Variants in DGKB observed in about 807,000 individuals in gnomAD.
The protein encoded by DGKB is diacylglycerol kinase beta, also known as 90 kDa diacylglycerol kinase.
Under a neutral mutation model 114.3 loss-of-function variants are expected in DGKB, and 67 were observed. The observed-to-expected ratio is 0.59, with a 90% CI of 0.48 to 0.72. The LOEUF is 0.72. Among genes scored for constraint, DGKB ranks in the 30% least tolerant of loss-of-function variants. DGKB has a pLI of 0.00. For synonymous variants in DGKB, 398 were observed against 323.1 expected (o/e 1.23, Z -2.49); for missense variants, 907 against 975.2 (o/e 0.93, Z 0.93).
intron 20 of DGKB, among the ~76,000 whole-genome samples, chr7:14,558,322 T>G (rs1279023120): frequency 6.6e-6 from 1 of 151,982 alleles, no homozygotes; most frequent in African/African-American, 2.4e-5. Context: ...AAATGAAAGT[T>G]TATAAATCTT....
At chr7:14,916,179 C>T (rs1784231299) in intron 1 of DGKB, among the ~76,000 whole-genome samples, 1 of 151,362 alleles carries the variant, frequency 6.6e-6, no homozygotes, top group African/African-American at 2.4e-5. Flanking sequence ...CTGAGATAAC[C>T]CCTAACATTT....
intron 6 of DGKB, among the ~76,000 whole-genome samples, chr7:14,710,836 C>T (rs948249652): frequency 1.3e-5 from 2 of 152,000 alleles, no homozygotes; most frequent in African/African-American, 2.4e-5. Flanking sequence ...ATTTAAATGC[C>T]TGTAATAATC....
At chr7:14,237,254 T>G (rs1232305117) in intron 23 of DGKB, among the ~76,000 whole-genome samples, 1 of 152,018 alleles carries the variant, frequency 6.6e-6, no homozygotes, top group African/African-American at 2.4e-5. Context: ...TGAAATTGAC[T>G]CCACTGAAAC....
At chr7:14,488,617 C>T (rs7782674) in intron 20 of DGKB, among the ~76,000 whole-genome samples, 19 of 147,396 alleles carry the variant, frequency 1.3e-4, no homozygotes, top group Admixed American at 5.4e-4. Flanking sequence ...GTCAGGAGTT[C>T]GAGACCAACA....
chr7:14,424,576 C>A (rs562091877), intron 21 of DGKB, among the ~76,000 whole-genome samples: 4 of 152,142 alleles, frequency 2.6e-5, no homozygotes, highest in South Asian at 2.1e-4. Flanking sequence ...TCATAATCTT[C>A]AAGACACTAC....
intron 23 of DGKB, among the ~76,000 whole-genome samples, chr7:14,301,371 T>C (rs975135603): frequency 2.0e-5 from 3 of 152,092 alleles, no homozygotes; most frequent in Admixed American, 6.6e-5. Context: ...ACCCTAACAA[T>C]TGGCAAGTCA....
At chr7:14,243,845 C>T (rs1424152255) in intron 23 of DGKB, among the ~76,000 whole-genome samples, 4 of 145,234 alleles carry the variant, frequency 2.8e-5, no homozygotes, top group African/African-American at 1.1e-4. Flanking sequence ...CAGCCATTGT[C>T]GTAACTTGAA....
chr7:14,847,290 C>CAA lies in DGKB; in HGVS notation c.-187-5842_-187-5841dup, dbSNP rs369385721. On this transcript the variant is annotated intron_variant, in intron 1 of 25. Coordinates refer to ENST00000402815, the MANE Select transcript of DGKB (RefSeq NM_001350709.2). Reference sequence around the variant, plus strand: ...TGGGCGACAGAGCGAGACTCCGTCTCAAAAAAAAAAAAAAAAAAAGACATA... The same window carrying CAA: ...TGGGCGACAGAGCGAGACTCCGTCTCAAAAAAAAAAAAAAAAAAAAAGACATA... Among the ~76,000 whole-genome samples, 585 of 92,600 alleles carry CAA rather than the reference C, an allele frequency of 6.3e-3. 10 individuals are homozygous for CAA. Among genetic ancestry groups the CAA allele is most frequent in the East Asian group, 0.015 (47 of 3,034 alleles). 60.7% of individuals were successfully genotyped at this position (92,600 alleles called of 152,430 possible).
At chr7:14,352,198 T>G (rs886216666) in intron 21 of DGKB, among the ~76,000 whole-genome samples, 1 of 152,186 alleles carries the variant, frequency 6.6e-6, no homozygotes, top group African/African-American at 2.4e-5. Flanking sequence ...AGATGGATAT[T>G]CTAAAACCGT....
intron 13 of DGKB, among the ~76,000 whole-genome samples, chr7:14,661,972 G>A (rs919152394): frequency 1.3e-5 from 2 of 151,850 alleles, no homozygotes; most frequent in African/African-American, 2.4e-5. Flanking sequence ...ACCAAACACC[G>A]CATATTCTCA....
chr7:14,196,019 A>G (rs1784970716), intron 23 of DGKB, among the ~76,000 whole-genome samples: 1 of 152,150 alleles, frequency 6.6e-6, no homozygotes. Context: ...CTTCATGTAG[A>G]ACTGTTTGTT....
At chr7:14,385,752 T>C (rs1820235479) in intron 21 of DGKB, among the ~76,000 whole-genome samples, 1 of 152,204 alleles carries the variant, frequency 6.6e-6, no homozygotes, top group South Asian at 2.1e-4. Context: ...GATATATGAA[T>C]GTAAGCATCT....
chr7:14,637,156 C>T (rs1252129835), intron 13 of DGKB, among the ~76,000 whole-genome samples: 3 of 151,816 alleles, frequency 2.0e-5, no homozygotes, highest in African/African-American at 2.4e-5. Flanking sequence ...ATAAATAACC[C>T]GTGTACAAAG....
intron 23 of DGKB, among the ~76,000 whole-genome samples, chr7:14,219,959 T>C (rs1432518350): frequency 6.6e-6 from 1 of 151,626 alleles, no homozygotes; most frequent in Admixed American, 6.6e-5. Flanking sequence ...CAGTCATGTG[T>C]CACTTAATGA....
At chr7:14,385,517 A>G (rs767796142) in intron 21 of DGKB, among the ~76,000 whole-genome samples, 1 of 152,214 alleles carries the variant, frequency 6.6e-6, no homozygotes, top group Non-Finnish European at 1.5e-5. Context: ...AGTGAAAAAT[A>G]AAAGAATTCC....
intron 5 of DGKB, among the ~76,000 whole-genome samples, chr7:14,732,849 G>T (rs528320398): frequency 6.6e-6 from 1 of 152,134 alleles, no homozygotes; most frequent in South Asian, 2.1e-4. Flanking sequence ...AGAAGAAAAG[G>T]AAGTTTTAGG....
intron 20 of DGKB, among the ~76,000 whole-genome samples, chr7:14,533,077 A>T (rs1791861465): frequency 6.6e-6 from 1 of 151,854 alleles, no homozygotes; most frequent in South Asian, 2.1e-4. Context: ...ATTCAAACTA[A>T]TTATCTTTAA....
chr7:14,958,782 G>A (rs977786191), intron 1 of DGKB, among the ~76,000 whole-genome samples: 1 of 152,046 alleles, frequency 6.6e-6, no homozygotes, highest in Non-Finnish European at 1.5e-5. Flanking sequence ...CACAGAGCTG[G>A]ATGTTGTGAG....
chr7:14,602,174 G>T (rs1803666996), intron 17 of DGKB, among the ~76,000 whole-genome samples: 1 of 152,146 alleles, frequency 6.6e-6, no homozygotes, highest in South Asian at 2.1e-4. Context: ...ATAAACAACA[G>T]AAATGTTTTG....
Sources: allele counts gnomAD v4.1 joint callset (sites outside exome capture counted in the v4.1 genomes callset), GRCh38; gene constraint gnomAD v4.1.1; transcripts MANE v1.5; gene names NCBI Gene and HGNC (gene_info 2026-07-23, HGNC 2026-07-21).